Variants in ALK observed in about 807,000 individuals in gnomAD.
The protein encoded by ALK is ALK receptor tyrosine kinase.
ALK carries 74 observed loss-of-function variants against 163.1 expected under a neutral mutation model. The observed-to-expected ratio is 0.45, with a 90% CI of 0.38 to 0.55. The LOEUF (loss-of-function observed/expected upper bound fraction) is 0.55. Among genes scored for constraint, ALK ranks in the 20% least tolerant of loss-of-function variants. The probability of loss-of-function intolerance (pLI) is 0.00; values close to 1 mark genes in which losing one functional copy is unlikely to be tolerated. For missense variants in ALK, 2,063 were observed against 2,105.3 expected (o/e 0.98, Z 0.39); for synonymous variants, 960 against 843.2 (o/e 1.14, Z -2.40).
intron 4 of ALK, among the ~76,000 whole-genome samples, chr2:29,429,684 C>T (rs1222013964): frequency 7.2e-5 from 11 of 151,960 alleles, no homozygotes; most frequent in Admixed American, 7.2e-4. Context: ...AATATAATCC[C>T]TATCAGAATC....
At chr2:29,619,886 T>C (rs1675978504) in intron 3 of ALK, among the ~76,000 whole-genome samples, 1 of 152,126 alleles carries the variant, frequency 6.6e-6, no homozygotes. Context: ...CACTGGGATG[T>C]CATTATGGGC....
At chr2:29,210,890 C>T (rs1055792031) in intron 24 of ALK, among the ~76,000 whole-genome samples, 9 of 152,158 alleles carry the variant, frequency 5.9e-5, no homozygotes, top group Admixed American at 3.9e-4. Context: ...GTCCAAGACT[C>T]ATCAGCTTCT....
At chr2:29,414,136 A>G (rs1026376446) in intron 4 of ALK, among the ~76,000 whole-genome samples, 13 of 152,222 alleles carry the variant, frequency 8.5e-5, no homozygotes, top group African/African-American at 3.1e-4. Context: ...GATTGATAGG[A>G]AGTTTTTAAC....
chr2:29,831,057 G>A lies in ALK; in HGVS notation c.667+88936C>T, dbSNP rs867195959. 9.0e-4 allele frequency among the ~76,000 whole-genome samples: 36 copies of A among 40,178 alleles called. 8 individuals carry two copies. Among genetic ancestry groups the A allele is most frequent in the Non-Finnish European group, 1.1e-3 (21 of 18,792 alleles). 26.4% of individuals were successfully genotyped at this position (40,178 alleles called of 152,430 possible). A position where few individuals can be genotyped will look rare whatever the true frequency, so the allele number is the denominator to read the frequency against. ...AGGAGGAGGAGGAGAAGGAGAAGAG[G>A]AAGGGGAGGAAGGGGAGGAGGAGGA... On this transcript the variant is annotated intron_variant, in intron 1 of 28. Coordinates refer to ENST00000389048, the MANE Select transcript of ALK (RefSeq NM_004304.5).
In ALK at chr2:29,233,457, T is replaced by C. The variant is rs904483462; in HGVS notation, c.2487+108A>G. 7.2e-6 allele frequency: 11 copies of C among 1,534,084 alleles called. No homozygotes were observed. In the African/African-American group the frequency reaches 1.2e-4, roughly 17 times the overall value. On this transcript the variant is annotated intron_variant, in intron 14 of 28. Transcript: ENST00000389048. ...CACTGTACCTGGCCCTGCTCATCTT[T>C]ACACGGGGATAAGAGCATCTGAGGT...
At chr2:29,905,594 G>A (rs1216321306) in intron 1 of ALK, among the ~76,000 whole-genome samples, 2 of 151,106 alleles carry the variant, frequency 1.3e-5, no homozygotes, top group East Asian at 3.9e-4. Flanking sequence ...AAGGAAAGAA[G>A]GAAGGAAAGA....
intron 1 of ALK, among the ~76,000 whole-genome samples, chr2:29,881,673 C>T (rs151006200): frequency 1.3e-5 from 2 of 152,244 alleles, no homozygotes; most frequent in African/African-American, 4.8e-5. Flanking sequence ...AAGAATGGGG[C>T]AAAAGTTCTA....
At chr2:29,403,773 A>T (rs1669510421) in intron 4 of ALK, among the ~76,000 whole-genome samples, 1 of 150,636 alleles carries the variant, frequency 6.6e-6, no homozygotes, top group Admixed American at 6.6e-5. Context: ...TTAGCCAGGC[A>T]TGATAGTGTA....
intron 15 of ALK, 111 bp from the exon 16 acceptor site, chr2:29,229,177 A>AGCTCCC: frequency 2.2e-6 from 2 of 929,748 alleles, no homozygotes; most frequent in Non-Finnish European, 1.7e-6. Context: ...CACCAGCTCC[A>AGCTCCC]GCTCCCGGGG....
chr2:29,541,289 A>C (rs541194162), intron 3 of ALK, among the ~76,000 whole-genome samples: 43 of 152,342 alleles, frequency 2.8e-4, no homozygotes, highest in South Asian at 4.1e-4. Flanking sequence ...AAAGCTATCA[A>C]CTTGGCTTTT....
chr2:29,456,353 GCA>G (rs939731439), intron 4 of ALK, among the ~76,000 whole-genome samples: 1 of 151,910 alleles, frequency 6.6e-6, no homozygotes, highest in African/African-American at 2.4e-5. Flanking sequence ...AATGTGGCAC[GCA>G]CACACACAAT....
rs536901006 is a variant in ALK at position 29,402,331 on chromosome 2, G to A, written c.1155-18472C>T. On this transcript the variant is annotated intron_variant, in intron 4 of 28. Coordinates refer to ENST00000389048, the MANE Select transcript of ALK (RefSeq NM_004304.5). ...CTTCCCCACAGGCCTGTGCCTACTC[G>A]GCGTCTGGCCCAGCGTGAGCAGATG... 1.2e-3 allele frequency among the ~76,000 whole-genome samples: 178 copies of A among 152,324 alleles called. 1 individual carries two copies. The highest frequency in any genetic ancestry group is 3.4e-3 in the Middle Eastern group (1 of 294).
intron 8 of ALK, among the ~76,000 whole-genome samples, chr2:29,312,909 G>A (rs936842933): frequency 6.6e-6 from 1 of 152,186 alleles, no homozygotes; most frequent in African/African-American, 2.4e-5. Flanking sequence ...GATGGGGGTT[G>A]GACATCCACA....
At chr2:29,496,702 T>C (rs753012123) in intron 4 of ALK, among the ~76,000 whole-genome samples, 24 of 152,152 alleles carry the variant, frequency 1.6e-4, no homozygotes, top group Non-Finnish European at 2.6e-4. Flanking sequence ...TCTCTTAGAA[T>C]AGAGATGACA....
intron 3 of ALK, among the ~76,000 whole-genome samples, chr2:29,602,901 G>T (rs1675417526): frequency 6.6e-6 from 1 of 152,214 alleles, no homozygotes; most frequent in South Asian, 2.1e-4. Context: ...GCCCAAGGTG[G>T]TTGGCTACAG....
At chr2:29,490,729 G>A (rs1671881275) in intron 4 of ALK, among the ~76,000 whole-genome samples, 1 of 152,174 alleles carries the variant, frequency 6.6e-6, no homozygotes, top group Non-Finnish European at 1.5e-5. Context: ...AAACTACAAA[G>A]GAAACCAGTT....
At chr2:29,731,798 A>G (rs2631956) in intron 1 of ALK, among the ~76,000 whole-genome samples, 132,540 of 152,254 alleles carry the variant, frequency 0.87, 57,905 homozygotes, top group African/African-American at 0.93. Context: ...GATATTTGGA[A>G]CAGGTGAATG....
chr2:29,574,067 A>AT (rs1389023909), intron 3 of ALK, among the ~76,000 whole-genome samples: 1 of 151,060 alleles, frequency 6.6e-6, no homozygotes, highest in African/African-American at 2.4e-5. Context: ...GAAAAAAATA[A>AT]AAAAAAAAAT....
chr2:29,739,487 GGC>G (rs879432078), intron 1 of ALK, among the ~76,000 whole-genome samples: 9,573 of 151,202 alleles, frequency 0.063, 864 homozygotes, highest in African/African-American at 0.19. Flanking sequence ...GAGCCCGGGA[GGC>G]AGAGATTGCA....
Sources: allele counts gnomAD v4.1 joint callset (sites outside exome capture counted in the v4.1 genomes callset), GRCh38; gene constraint gnomAD v4.1.1; transcripts MANE v1.5; gene names NCBI Gene and HGNC (gene_info 2026-07-23, HGNC 2026-07-21).